ITGA8: variants seen among roughly 807,000 people sequenced by gnomAD.
ITGA8 encodes integrin alpha-8.
Under a neutral mutation model 142.3 loss-of-function variants are expected in ITGA8, and 91 were observed. That is an observed-to-expected ratio of 0.64 (90% CI 0.54 to 0.76). The LOEUF (loss-of-function observed/expected upper bound fraction) is 0.76, where lower values mean the gene tolerates loss of function less well. Ranked by LOEUF, ITGA8 falls within the 30% of genes least tolerant of loss-of-function variation. The probability of loss-of-function intolerance (pLI) is 0.00; values close to 1 mark genes in which losing one functional copy is unlikely to be tolerated. For missense variants in ITGA8, 1,406 were observed against 1,327.7 expected, an observed-to-expected ratio of 1.06 and a Z score of -0.92; for synonymous variants, 505 against 485.2, an observed-to-expected ratio of 1.04 and a Z score of -0.54.
chr10:15,577,880 G>C (rs1350022440), intron 23 of ITGA8, among the ~76,000 whole-genome samples: 1 of 152,134 alleles, frequency 6.6e-6, no homozygotes, highest in Non-Finnish European at 1.5e-5. Flanking sequence ...ATAAGAAGAA[G>C]ACTGGGGTAC....
In ITGA8 at chr10:15,660,895, GCTC is replaced by G. The variant is rs1834272873; in HGVS notation, c.872_874del (p.Gly291del). On this transcript the variant is annotated inframe_deletion, in exon 9 of 30. Transcript: ENST00000378076. ...AGTACTCACATATCCAAAATTCTGT[GCTC>G]CTCTTGGAATTCCAGCAACCAATTC... 1 of 1,613,472 alleles carries G rather than the reference GCTC, an allele frequency of 6.2e-7. No homozygotes were observed. The highest frequency in any genetic ancestry group is 1.6e-4 in the Middle Eastern group (1 of 6,084).
intron 20 of ITGA8, among the ~76,000 whole-genome samples, chr10:15,600,022 G>A (rs968399653): frequency 8.5e-5 from 13 of 152,324 alleles, no homozygotes; most frequent in African/African-American, 2.4e-4. Context: ...ATAACCTTGC[G>A]CATGTTACTT....
At chr10:15,537,129 T>G (rs956471613) in intron 27 of ITGA8, among the ~76,000 whole-genome samples, 1 of 152,208 alleles carries the variant, frequency 6.6e-6, no homozygotes, top group South Asian at 2.1e-4. Context: ...CCAGTTTGCA[T>G]GTTCGTTACA....
At chr10:15,669,073 T>C (rs1834454957) in intron 8 of ITGA8, among the ~76,000 whole-genome samples, 1 of 152,242 alleles carries the variant, frequency 6.6e-6, no homozygotes, top group South Asian at 2.1e-4. Context: ...CCTGCCTTGA[T>C]AGATTGGGGA....
rs1474157898 is a variant in ITGA8 at position 15,684,018 on chromosome 10, G to A, written c.554C>T (p.Ser185Phe). 1 of 1,614,134 alleles carries A rather than the reference G, an allele frequency of 6.2e-7. No individual in the cohort carries two copies. Among genetic ancestry groups the A allele is most frequent in the South Asian group, 1.1e-5 (1 of 91,072 alleles). ...AAGTTGCTTACTGTTCCGGCAAGGA[G>A]AGAACTCGGCATAGGCGCTGAAGTT... ...IQNFSAYAEF[S>F]PCRNSNADPE... The change falls in exon 4 of 30, where the codon TCT becomes TTT. Residue 185 changes from serine (S) to phenylalanine (F), a missense_variant. Ser to Phe is a radical substitution (Grantham distance 155, BLOSUM62 -2). Coordinates refer to ENST00000378076, the MANE Select transcript of ITGA8 (RefSeq NM_003638.3).
chr10:15,700,930 T>C (rs2131726425), intron 2 of ITGA8, among the ~76,000 whole-genome samples: 1 of 152,302 alleles, frequency 6.6e-6, no homozygotes, highest in Admixed American at 6.5e-5. Flanking sequence ...CAATACTATA[T>C]AGGAGTTAAA....
chr10:15,585,388 G>A (rs928652176), intron 23 of ITGA8, among the ~76,000 whole-genome samples: 2 of 152,202 alleles, frequency 1.3e-5, no homozygotes, highest in African/African-American at 4.8e-5. Flanking sequence ...GTAGCACCCA[G>A]AAGGGAACAG....
At chr10:15,596,451 G>T (rs977193763) in intron 21 of ITGA8, 2 of 152,096 alleles carry the variant, frequency 1.3e-5, no homozygotes, top group Non-Finnish European at 2.9e-5. Flanking sequence ...TCCTCCCAGC[G>T]ATGCGTTTAT....
intron 29 of ITGA8, 141 bp from the exon 30 acceptor site, chr10:15,517,385 C>T (rs1185465152): frequency 1.8e-5 from 9 of 498,452 alleles, no homozygotes; most frequent in African/African-American, 6.1e-5. Flanking sequence ...AGTACAGTGG[C>T]GTGATCTTGG....
intron 8 of ITGA8, among the ~76,000 whole-genome samples, chr10:15,667,388 G>A (rs201225433): frequency 0.22 from 33,790 of 151,496 alleles, 3,951 homozygotes; most frequent in Admixed American, 0.32. Context: ...TTTTTATTGC[G>A]TCTATTTGAT....
At position 15,575,591 on chromosome 10, in the gene ITGA8, C is replaced by G; in HGVS notation, c.2376G>C (p.Val792=). The G allele has an allele frequency of 6.2e-7, 1 of 1,611,702 alleles. No homozygotes were observed. The highest frequency in any genetic ancestry group is 8.5e-7 in the Non-Finnish European group (1 of 1,177,954). ...GCAGAACAATCTGCGGAGGGTGTGACACTCTGAAACATGAAATGTCCTGTT... is the reference window on the plus strand; with the variant it reads ...GCAGAACAATCTGCGGAGGGTGTGAGACTCTGAAACATGAAATGTCCTGTT... ...TAVAQVEIRG[V]SHPPQIVLPI... Residue 792 remains valine (V), a synonymous_variant, in exon 24 of 30, where the codon GTG becomes GTC. Transcript: ENST00000378076.
At chr10:15,647,511 G>A (rs928914436) in intron 11 of ITGA8, among the ~76,000 whole-genome samples, 15 of 140,102 alleles carry the variant, frequency 1.1e-4, no homozygotes, top group African/African-American at 3.7e-4. Context: ...GCCGGACTGC[G>A]GACTGCAGTG....
At chr10:15,619,595 A>C (rs1331705721) in intron 13 of ITGA8, among the ~76,000 whole-genome samples, 1 of 152,254 alleles carries the variant, frequency 6.6e-6, no homozygotes, top group Non-Finnish European at 1.5e-5. Flanking sequence ...CGAAGTTTCT[A>C]AGTTTACCAG....
intron 13 of ITGA8, among the ~76,000 whole-genome samples, chr10:15,633,170 A>C (rs1465090732): frequency 1.3e-5 from 2 of 152,186 alleles, no homozygotes. Context: ...AACTGTCCCC[A>C]GTCCACCTTT....
intron 13 of ITGA8, among the ~76,000 whole-genome samples, chr10:15,633,568 C>T (rs780387792): frequency 7.2e-5 from 11 of 152,010 alleles, no homozygotes; most frequent in Non-Finnish European, 1.5e-4. Flanking sequence ...GACAGGTGCG[C>T]ACCTCCACAC....
At chr10:15,633,702 G>A (rs990041323) in intron 13 of ITGA8, among the ~76,000 whole-genome samples, 3 of 152,100 alleles carry the variant, frequency 2.0e-5, no homozygotes, top group African/African-American at 4.8e-5. Flanking sequence ...TTACAGGCAC[G>A]AGCCACCATG....
At chr10:15,709,102 C>T (rs1029229015) in intron 2 of ITGA8, among the ~76,000 whole-genome samples, 8 of 152,216 alleles carry the variant, frequency 5.3e-5, no homozygotes, top group African/African-American at 1.7e-4. Flanking sequence ...TTTGTGAATT[C>T]TTAGTGCCTT....
chr10:15,545,825 A>C (rs767394664), intron 27 of ITGA8, among the ~76,000 whole-genome samples: 1 of 152,100 alleles, frequency 6.6e-6, no homozygotes, highest in Non-Finnish European at 1.5e-5. Context: ...AGTATGTATT[A>C]ATTTATTTAT....
intron 13 of ITGA8, among the ~76,000 whole-genome samples, chr10:15,635,574 A>G (rs575851829): frequency 6.6e-6 from 1 of 152,244 alleles, no homozygotes; most frequent in Non-Finnish European, 1.5e-5. Flanking sequence ...CTACTTGACA[A>G]CACTCCTCAA....
Sources: allele counts gnomAD v4.1 joint callset (sites outside exome capture counted in the v4.1 genomes callset), GRCh38; gene constraint gnomAD v4.1.1; transcripts MANE v1.5; gene names NCBI Gene and HGNC (gene_info 2026-07-23, HGNC 2026-07-21).